KPNA3: variants seen among roughly 807,000 people sequenced by gnomAD.
The protein encoded by KPNA3 is karyopherin subunit alpha 3.
In KPNA3, 13 loss-of-function variants were observed where a neutral mutation model predicts 73.8. The observed-to-expected ratio is 0.18, with a 90% CI of 0.11 to 0.28. KPNA3 has a LOEUF of 0.28. Ranked by LOEUF, KPNA3 falls within the 10% of genes least tolerant of loss-of-function variation. The probability of loss-of-function intolerance (pLI) is 1.00; values close to 1 mark genes in which losing one functional copy is unlikely to be tolerated. For missense variants in KPNA3, 360 were observed against 618.1 expected (o/e 0.58, Z 4.43); for synonymous variants, 186 against 206.9 (o/e 0.90, Z 0.87).
At chr13:49,750,587 G>A (rs1056321793) in intron 1 of KPNA3, among the ~76,000 whole-genome samples, 2 of 151,982 alleles carry the variant, frequency 1.3e-5, no homozygotes, top group African/African-American at 2.4e-5. Flanking sequence ...AGCCATGATG[G>A]TGCCACTGCA....
chr13:49,729,652 C>T (rs960796751), intron 6 of KPNA3, among the ~76,000 whole-genome samples: 2 of 152,116 alleles, frequency 1.3e-5, no homozygotes, highest in East Asian at 1.9e-4. Context: ...TGGTGGCAGG[C>T]GCCTGTAGCC....
At chr13:49,760,551 C>CATCA (rs985139884) in intron 1 of KPNA3, among the ~76,000 whole-genome samples, 9 of 152,202 alleles carry the variant, frequency 5.9e-5, no homozygotes, top group African/African-American at 1.9e-4. Context: ...TTTGAGTTCA[C>CATCA]ATCAATCAAT....
chr13:49,774,073 A>AT (rs11315833), intron 1 of KPNA3, among the ~76,000 whole-genome samples: 15,150 of 146,046 alleles, frequency 0.1, 923 homozygotes, highest in South Asian at 0.24. Flanking sequence ...ACCCAGGCTA[A>AT]TTTTTTTTTT....
intron 2 of KPNA3, among the ~76,000 whole-genome samples, chr13:49,734,940 G>GAT (rs1954507144): frequency 2.0e-5 from 2 of 97,656 alleles, no homozygotes; most frequent in Non-Finnish European, 4.9e-5. Flanking sequence ...TATATATATA[G>GAT]AGAGAGAGAT....
intron 7 of KPNA3, among the ~76,000 whole-genome samples, chr13:49,723,582 A>G (rs1029017367): frequency 6.6e-6 from 1 of 150,498 alleles, no homozygotes; most frequent in Non-Finnish European, 1.5e-5. Context: ...AAAAAAAAAT[A>G]TCATACTCAG....
At chr13:49,722,624 G>A in intron 7 of KPNA3, 61 bp from the exon 8 acceptor site, 1 of 1,071,246 alleles carries the variant, frequency 9.3e-7, no homozygotes, top group Non-Finnish European at 1.4e-6. Context: ...ACAGATTTCA[G>A]ATCAAAGAAA....
At chr13:49,754,108 C>T (rs1954690194) in intron 1 of KPNA3, among the ~76,000 whole-genome samples, 1 of 152,016 alleles carries the variant, frequency 6.6e-6, no homozygotes, top group African/African-American at 2.4e-5. Context: ...ACCAGCTTGG[C>T]CAACAGGGTG....
chr13:49,767,447 A>G (rs182687007), intron 1 of KPNA3, among the ~76,000 whole-genome samples: 251 of 151,974 alleles, frequency 1.7e-3, no homozygotes, highest in Non-Finnish European at 2.6e-3. Context: ...AAAAAGAATA[A>G]TATCAATTAA....
chr13:49,716,134 C>T (rs1047340337), intron 10 of KPNA3, among the ~76,000 whole-genome samples: 4 of 152,120 alleles, frequency 2.6e-5, no homozygotes, highest in African/African-American at 9.7e-5. Context: ...GTTAGGCACC[C>T]TGAAACTGCA....
intron 1 of KPNA3, among the ~76,000 whole-genome samples, chr13:49,757,443 GA>G (rs923014586): frequency 1.3e-5 from 2 of 152,114 alleles, no homozygotes; most frequent in African/African-American, 4.8e-5. Context: ...ATAAGCACAT[GA>G]AAAGATGTTC....
intron 2 of KPNA3, among the ~76,000 whole-genome samples, chr13:49,743,390 T>C (rs2137565921): frequency 6.6e-6 from 1 of 152,292 alleles, no homozygotes; most frequent in Non-Finnish European, 1.5e-5. Context: ...TCAAAATCAA[T>C]TAAGTTTTGT....
At chr13:49,765,152 T>G (rs1344761724) in intron 1 of KPNA3, among the ~76,000 whole-genome samples, 3 of 152,226 alleles carry the variant, frequency 2.0e-5, no homozygotes, top group African/African-American at 7.2e-5. Flanking sequence ...AATTATCAAT[T>G]AAGTATTAAT....
intron 1 of KPNA3, among the ~76,000 whole-genome samples, chr13:49,763,447 G>A (rs1954784787): frequency 6.6e-6 from 1 of 152,178 alleles, no homozygotes; most frequent in Non-Finnish European, 1.5e-5. Flanking sequence ...AACAGTGTTT[G>A]TTTGGGTTCC....
At chr13:49,763,251 T>C (rs2137585865) in intron 1 of KPNA3, among the ~76,000 whole-genome samples, 1 of 152,240 alleles carries the variant, frequency 6.6e-6, no homozygotes, top group Admixed American at 6.5e-5. Context: ...AATTATTAAG[T>C]TAGACACATA....
At chr13:49,713,597 AAATTT>A (rs1413373587) in intron 10 of KPNA3, among the ~76,000 whole-genome samples, 6 of 150,186 alleles carry the variant, frequency 4.0e-5, no homozygotes, top group Non-Finnish European at 8.9e-5. Context: ...TTCTATATAG[AAATTT>A]AATAGCCTTA....
At chr13:49,728,842 C>T (rs931648463) in intron 6 of KPNA3, among the ~76,000 whole-genome samples, 5 of 152,210 alleles carry the variant, frequency 3.3e-5, no homozygotes, top group African/African-American at 1.2e-4. Flanking sequence ...TTCTGCTCAT[C>T]AAACAAGAGC....
intron 7 of KPNA3, among the ~76,000 whole-genome samples, chr13:49,724,261 T>A (rs1244348345): frequency 2.0e-5 from 3 of 152,146 alleles, no homozygotes; most frequent in Non-Finnish European, 4.4e-5. Flanking sequence ...TGTTTTCATA[T>A]CTCTTGGTTT....
At chr13:49,708,157 G>A (rs192635074) in intron 12 of KPNA3, among the ~76,000 whole-genome samples, 2 of 151,962 alleles carry the variant, frequency 1.3e-5, no homozygotes, top group South Asian at 4.2e-4. Context: ...TACCACACCC[G>A]GCTAATTTTT....
intron 6 of KPNA3, 135 bp from the exon 7 acceptor site, chr13:49,725,636 G>A (rs1056271845): frequency 4.1e-6 from 2 of 492,512 alleles, no homozygotes; most frequent in Non-Finnish European, 6.8e-6. Flanking sequence ...TTGCCTGCTA[G>A]CCAACCCTAC....
Sources: gnomAD v4.1 joint callset for allele counts (sites outside exome capture counted in the v4.1 genomes callset) on GRCh38, gnomAD v4.1.1 for gene constraint, MANE v1.5 for transcripts, NCBI Gene and HGNC (gene_info 2026-07-23, HGNC 2026-07-21) for gene names.